The following ASB2 variants were observed in gnomAD, a reference collection of about 807,000 sequenced individuals.
ASB2 encodes ankyrin repeat and SOCS box protein 2.
A neutral mutation model predicts 62.4 loss-of-function variants in ASB2; 58 were observed. That is an observed-to-expected ratio of 0.93 (90% CI 0.75 to 1.16). The LOEUF (loss-of-function observed/expected upper bound fraction) is 1.16. ASB2 is among the 50% of genes most tolerant of loss of function. ASB2 has a pLI of 0.00. For synonymous variants in ASB2, 386 were observed against 385.3 expected, an observed-to-expected ratio of 1.00 and a Z score of -0.02; for missense variants, 928 against 887.9, an observed-to-expected ratio of 1.05 and a Z score of -0.57.
intron 1 of ASB2, among the ~76,000 whole-genome samples, chr14:93,971,662 C>T (rs1351572694): frequency 6.6e-6 from 1 of 152,186 alleles, no homozygotes; most frequent in Non-Finnish European, 1.5e-5. Context: ...AACACCTTCC[C>T]TTGCAGTGAA....
rs1451707969 is a variant in ASB2 at position 93,939,639 on chromosome 14, G to A, written c.1086C>T (p.Arg362=). Residue 362 remains arginine, a synonymous_variant, in exon 8 of 10, where the codon CGC becomes CGT. Coordinates refer to ENST00000555019, the MANE Select transcript of ASB2 (RefSeq NM_001202429.2). Reference sequence around the variant, plus strand: ...TGACGCCGCTACGGCGTATGCGCGTGCGGCTGGTCACCGGCAGCAGCATCT... The same window carrying A: ...TGACGCCGCTACGGCGTATGCGCGTACGGCTGGTCACCGGCAGCAGCATCT... ...IVQMLLPVTS[R]TRIRRSGVSP... The A allele has an allele frequency of 1.3e-6, 2 of 1,519,744 alleles. No homozygotes were observed. Among genetic ancestry groups the A allele is most frequent in the South Asian group, 1.2e-5 (1 of 81,326 alleles). 94.1% of individuals were successfully genotyped at this position (1,519,744 alleles called of 1,614,324 possible).
chr14:93,939,094 C>T lies in ASB2; in HGVS notation c.1617+14G>A. 6.9e-7 allele frequency: 1 copy of T among 1,449,012 alleles called. No homozygotes were observed. The highest frequency in any genetic ancestry group is 2.6e-5 in the East Asian group (1 of 38,980). 89.8% of individuals were successfully genotyped at this position (1,449,012 alleles called of 1,614,324 possible). ...CAAAAGGCGTGCTCCCCACCGCCAG[C>T]GTGCGCTGCCCACCTGCACCACGCT... On this transcript the variant is annotated intron_variant, in intron 8 of 9. Coordinates refer to ENST00000555019, the MANE Select transcript of ASB2 (RefSeq NM_001202429.2).
chr14:93,957,989 C>A (rs541718737), intron 2 of ASB2, among the ~76,000 whole-genome samples: 2 of 152,078 alleles, frequency 1.3e-5, no homozygotes, highest in Admixed American at 1.3e-4. Flanking sequence ...TGAGAAGCAC[C>A]CACACTCTTT....
chr14:93,938,463 ATC>A (rs1045828364), intron 8 of ASB2, among the ~76,000 whole-genome samples: 3 of 151,890 alleles, frequency 2.0e-5, no homozygotes, highest in Non-Finnish European at 4.4e-5. Flanking sequence ...GATGGTCTCG[ATC>A]TCCTGACCTC....
intron 7 of ASB2, chr14:93,944,143 C>T (rs1206881617): frequency 1.3e-5 from 5 of 379,550 alleles, no homozygotes; most frequent in East Asian, 7.2e-5. Flanking sequence ...AGCGCCATCT[C>T]GTCAGGTGGG....
At position 93,934,509 on chromosome 14, in the gene ASB2, A is replaced by C. The variant is rs913541400; in HGVS notation, c.*147T>G. ...GCCAAAGCTCTGGGCCCTGAGACCC[A>C]GTGAGATCCTGGTAGCTGTCCAGGC... On this transcript the variant is annotated 3_prime_UTR_variant, in exon 10 of 10. Coordinates refer to ENST00000555019, the MANE Select transcript of ASB2 (RefSeq NM_001202429.2). 1 of 716,124 alleles carries C rather than the reference A, an allele frequency of 1.4e-6. No homozygotes were observed. Among genetic ancestry groups the C allele is most frequent in the African/African-American group, 1.8e-5 (1 of 56,704 alleles). 44.4% of individuals were successfully genotyped at this position (716,124 alleles called of 1,614,324 possible).
At chr14:93,963,729 GA>G (rs1234048848) in intron 2 of ASB2, among the ~76,000 whole-genome samples, 1 of 152,218 alleles carries the variant, frequency 6.6e-6, no homozygotes, top group Non-Finnish European at 1.5e-5. Context: ...TGATACTTCA[GA>G]TGTGAACTAT....
At chr14:93,964,102 C>T (rs1279709734) in intron 2 of ASB2, among the ~76,000 whole-genome samples, 1 of 152,162 alleles carries the variant, frequency 6.6e-6, no homozygotes, top group Non-Finnish European at 1.5e-5. Context: ...AACCCAGAGC[C>T]CACTGAGAGG....
At chr14:93,944,546 G>A (rs868710980) in intron 7 of ASB2, among the ~76,000 whole-genome samples, 2 of 152,228 alleles carry the variant, frequency 1.3e-5, no homozygotes, top group South Asian at 2.1e-4. Context: ...TCAAATCCCC[G>A]AGCAGAGGGC....
At chr14:93,946,166 G>T (rs1721122431) in intron 7 of ASB2, among the ~76,000 whole-genome samples, 2 of 152,222 alleles carry the variant, frequency 1.3e-5, no homozygotes, top group Non-Finnish European at 2.9e-5. Flanking sequence ...CAGATGCTGG[G>T]GTTTAAGTCC....
chr14:93,972,332 G>A (rs1889780263), intron 1 of ASB2, among the ~76,000 whole-genome samples: 2 of 152,068 alleles, frequency 1.3e-5, no homozygotes, highest in African/African-American at 2.4e-5. Flanking sequence ...CCAAGGAAAC[G>A]CTTCCAGCTG....
At chr14:93,961,977 C>T (rs543708830) in intron 2 of ASB2, among the ~76,000 whole-genome samples, 7 of 152,122 alleles carry the variant, frequency 4.6e-5, no homozygotes, top group African/African-American at 7.2e-5. Flanking sequence ...CATGTTTTGT[C>T]GTCTGTAAAA....
Position 93,947,484 on chromosome 14 carries a change from G to C in ASB2, c.917C>G (p.Ser306Cys), listed in dbSNP as rs751771865. Residue 306 changes from serine to cysteine, a missense_variant, in exon 7 of 10, where the codon TCT (serine) becomes TGT (cysteine). Physicochemically the swap from Ser to Cys is moderately radical, Grantham distance 112. Coordinates refer to ENST00000555019, the MANE Select transcript of ASB2 (RefSeq NM_001202429.2). ...ATTCTTGCAGGCCTCGTAGAGGGCA[G>C]ACGCGTTGTCGCTGGCCTGCGTGTT... ...DINTQASDNA[S>C]ALYEACKNEH... 5 of 1,614,240 alleles carry C rather than the reference G, an allele frequency of 3.1e-6. No homozygotes were observed. The Admixed American group carries it at 8.3e-5, about 27-fold the overall frequency.
chr14:93,957,115 T>A, intron 2 of ASB2: 3 of 1,402,184 alleles, frequency 2.1e-6, no homozygotes, highest in Non-Finnish European at 2.8e-6. Context: ...AAGACAACAA[T>A]GAGGTTAACC....
At chr14:93,938,637 T>A (rs1229424670) in intron 8 of ASB2, among the ~76,000 whole-genome samples, 3 of 152,194 alleles carry the variant, frequency 2.0e-5, no homozygotes, top group Non-Finnish European at 2.9e-5. Flanking sequence ...GCTCTTGACA[T>A]GCCTTTCCGG....
Position 93,951,064 on chromosome 14 carries a change from A to G in ASB2, c.815T>C (p.Ile272Thr), listed in dbSNP as rs1273840409. Residue 272 changes from isoleucine (I) to threonine (T), a missense_variant, in exon 6 of 10, where the codon ATC (isoleucine) becomes ACC (threonine). Coordinates refer to ENST00000555019, the MANE Select transcript of ASB2 (RefSeq NM_001202429.2). The stretch of plus-strand genomic sequence containing the variant: ...CTGGGCGGCCACGAACAAGGGGGTG[A>G]TGCCGTAGGCGTTCTTGGATTCCAC... ...AKVESKNAYGITPLFVAAQSG... is the reference protein window; with the variant it reads ...AKVESKNAYGTTPLFVAAQSG... 1.2e-5 allele frequency: 19 copies of G among 1,614,180 alleles called. No homozygotes were observed. The highest frequency in any genetic ancestry group is 1.4e-5 in the Non-Finnish European group (17 of 1,180,044).
chr14:93,944,918 G>A (rs1190878261), intron 7 of ASB2, among the ~76,000 whole-genome samples: 3 of 152,198 alleles, frequency 2.0e-5, no homozygotes, highest in African/African-American at 2.4e-5. Context: ...CAACACCTCT[G>A]GGTTCACTTG....
At position 93,934,819 on chromosome 14, in the gene ASB2, C is replaced by G. The variant is rs763520261; in HGVS notation, c.1772-27G>C. The G allele has an allele frequency of 1.3e-5, 21 of 1,603,256 alleles. No homozygotes were observed. In the Admixed American group the frequency reaches 1.8e-4, roughly 14 times the overall value. On this transcript the variant is annotated intron_variant, in intron 9 of 9. Transcript: ENST00000555019. The stretch of plus-strand genomic sequence containing the variant: ...TGAAAAAAGGAGGGAAAGACAGAGG[C>G]TGATTTGTCATTTGCAATAAGCAAA...
rs777974246 is a variant in ASB2, at chr14:93,956,877, G to T, written c.207-7C>A. 9 of 1,614,062 alleles carry T rather than the reference G, an allele frequency of 5.6e-6. No homozygotes were observed. The highest frequency in any genetic ancestry group is 7.6e-6 in the Non-Finnish European group (9 of 1,180,024). Reference sequence around the variant, plus strand: ...CTCAGGAGGTGCAGTGGACCTGGAGGGTGCAGAGCAGGAGTGAAAGAGGGA... The same window carrying T: ...CTCAGGAGGTGCAGTGGACCTGGAGTGTGCAGAGCAGGAGTGAAAGAGGGA... On this transcript the variant is annotated splice_polypyrimidine_tract_variant and splice_region_variant and intron_variant, in intron 2 of 9. Transcript: ENST00000555019.
Sources: allele counts gnomAD v4.1 joint callset (sites outside exome capture counted in the v4.1 genomes callset), GRCh38; gene constraint gnomAD v4.1.1; transcripts MANE v1.5; gene names NCBI Gene and HGNC (gene_info 2026-07-23, HGNC 2026-07-21).